SUSD1: variants seen among roughly 807,000 people sequenced by gnomAD.
The protein encoded by SUSD1 is sushi domain containing 1.
In SUSD1, 65 loss-of-function variants were observed where a neutral mutation model predicts 86.9. The observed-to-expected ratio is 0.75, with a 90% CI of 0.61 to 0.92. The LOEUF (loss-of-function observed/expected upper bound fraction) is 0.92, where lower values mean the gene tolerates loss of function less well. Among genes scored for constraint, SUSD1 ranks in the 40% least tolerant of loss-of-function variants. The pLI, the probability that SUSD1 is intolerant of heterozygous loss-of-function variation, is 0.00. For synonymous variants in SUSD1, 346 were observed against 350.0 expected (o/e 0.99, Z 0.13); for missense variants, 850 against 929.7 (o/e 0.91, Z 1.11).
intron 3 of SUSD1, among the ~76,000 whole-genome samples, chr9:112,148,006 T>A (rs894434419): frequency 6.6e-6 from 1 of 152,246 alleles, no homozygotes; most frequent in Non-Finnish European, 1.5e-5. Flanking sequence ...AAATCAAATG[T>A]ATCCTTTGAG....
chr9:112,102,234 T>A lies in SUSD1; in HGVS notation c.1223A>T (p.Glu408Val). ...ACGCCTGTTCAATTTCAAACAAGTT[T>A]CATTAAATATTGAAATATTGAAACT... ...DGSFNISIFNETCLKLNRRSR... is the reference protein window; with the variant it reads ...DGSFNISIFNVTCLKLNRRSR... The change falls in exon 9 of 17, where the codon GAA becomes GTA. Residue 408 changes from glutamate (E) to valine (V), a missense_variant. Glu to Val is a moderately radical substitution (Grantham distance 121, BLOSUM62 -2). Coordinates refer to ENST00000374270, the MANE Select transcript of SUSD1 (RefSeq NM_022486.5). 5 of 1,604,254 alleles carry A rather than the reference T, an allele frequency of 3.1e-6. No individual in the cohort carries two copies. The highest frequency in any genetic ancestry group is 4.3e-6 in the Non-Finnish European group (5 of 1,175,534).
intron 8 of SUSD1, among the ~76,000 whole-genome samples, 165 bp from the exon 9 acceptor site, chr9:112,102,450 C>T (rs1830670262): frequency 6.6e-6 from 1 of 152,166 alleles, no homozygotes; most frequent in Middle Eastern, 3.2e-3. Context: ...TCCTGGCTCT[C>T]CAGCTTCTCA....
intron 15 of SUSD1, among the ~76,000 whole-genome samples, chr9:112,051,607 T>C (rs983504939): frequency 6.6e-6 from 1 of 151,776 alleles, no homozygotes; most frequent in Non-Finnish European, 1.5e-5. Context: ...AATTTTGTAT[T>C]TTTAGTAGAG....
intron 6 of SUSD1, among the ~76,000 whole-genome samples, chr9:112,115,808 C>CAAAAA (rs1406590665): frequency 1.7e-5 from 1 of 59,600 alleles, no homozygotes; most frequent in Non-Finnish European, 3.3e-5. Flanking sequence ...GACTCCATTG[C>CAAAAA]AAAAAAAAAA....
chr9:112,128,810 T>C (rs76190986), intron 5 of SUSD1, among the ~76,000 whole-genome samples: 6,256 of 152,120 alleles, frequency 0.041, 465 homozygotes, highest in African/African-American at 0.14. Flanking sequence ...ATAAGAAAGC[T>C]CTTGGTGGGT....
intron 1 of SUSD1, among the ~76,000 whole-genome samples, chr9:112,159,422 C>A (rs909064429): frequency 6.6e-6 from 1 of 152,132 alleles, no homozygotes; most frequent in Non-Finnish European, 1.5e-5. Flanking sequence ...TAAAAGACAA[C>A]ACAAAAATAA....
intron 5 of SUSD1, among the ~76,000 whole-genome samples, chr9:112,128,389 C>T (rs895081577): frequency 4.0e-5 from 6 of 151,816 alleles, no homozygotes; most frequent in South Asian, 2.1e-4. Context: ...CCACCATGCC[C>T]GGCCTACAAT....
chr9:112,138,220 T>A (rs112182189), intron 5 of SUSD1, among the ~76,000 whole-genome samples: 1 of 103,778 alleles, frequency 9.6e-6, no homozygotes, highest in Non-Finnish European at 1.9e-5. Flanking sequence ...TGAGACTCCA[T>A]CTCAAAAAAA....
intron 9 of SUSD1, among the ~76,000 whole-genome samples, chr9:112,099,825 G>T (rs532331982): frequency 1.2e-4 from 19 of 152,282 alleles, no homozygotes; most frequent in African/African-American, 4.6e-4. Flanking sequence ...CTGACAGGTG[G>T]TTCATAAGGA....
At position 112,090,874 on chromosome 9, in the gene SUSD1, CTG is replaced by C. The variant is rs529169065; in HGVS notation, c.1474+7594_1474+7595del. On this transcript the variant is annotated intron_variant, in intron 10 of 16. Coordinates refer to ENST00000374270, the MANE Select transcript of SUSD1 (RefSeq NM_022486.5). ...GCCTAGGAGAGAACAGTTTTGGAGTCTGTGTCTATACGCATGATTAGAAAATG... is the reference window on the plus strand; with the variant it reads ...GCCTAGGAGAGAACAGTTTTGGAGTCTGTCTATACGCATGATTAGAAAATG... Among the ~76,000 whole-genome samples, 45 of 152,268 alleles carry C rather than the reference CTG, an allele frequency of 3.0e-4. 1 individual carries two copies. The South Asian group carries it at 8.1e-3, about 27-fold the overall frequency.
At chr9:112,119,638 G>A (rs1336018144) in intron 6 of SUSD1, among the ~76,000 whole-genome samples, 1 of 152,196 alleles carries the variant, frequency 6.6e-6, no homozygotes, top group East Asian at 1.9e-4. Context: ...TGGAAGCCAG[G>A]GAAAGTCTTA....
At chr9:112,101,903 C>T (rs2131618033) in intron 9 of SUSD1, among the ~76,000 whole-genome samples, 1 of 152,178 alleles carries the variant, frequency 6.6e-6, no homozygotes, top group South Asian at 2.1e-4. Context: ...AATCTGATAG[C>T]AAAATAAGCT....
At chr9:112,050,152 G>A (rs1828127289) in intron 15 of SUSD1, among the ~76,000 whole-genome samples, 1 of 152,108 alleles carries the variant, frequency 6.6e-6, no homozygotes, top group African/African-American at 2.4e-5. Context: ...AGAGCTTCAG[G>A]GGATGGACTG....
chr9:112,159,919 A>G (rs748785093), intron 1 of SUSD1, among the ~76,000 whole-genome samples: 16 of 152,078 alleles, frequency 1.1e-4, no homozygotes, highest in Non-Finnish European at 2.1e-4. Flanking sequence ...GTTATCTCTT[A>G]TTTTAAAAAA....
intron 5 of SUSD1, among the ~76,000 whole-genome samples, chr9:112,136,297 G>A (rs888537464): frequency 2.0e-5 from 3 of 152,154 alleles, no homozygotes; most frequent in Non-Finnish European, 4.4e-5. Context: ...GCAGTGGCAT[G>A]ATCACAGCTC....
intron 10 of SUSD1, among the ~76,000 whole-genome samples, chr9:112,093,754 C>G (rs1460192547): frequency 6.6e-6 from 1 of 152,110 alleles, no homozygotes; most frequent in Non-Finnish European, 1.5e-5. Flanking sequence ...AAGATAAGAG[C>G]TGCCACAGCG....
At chr9:112,071,320 TGTG>T (rs895166023) in intron 12 of SUSD1, among the ~76,000 whole-genome samples, 6 of 151,844 alleles carry the variant, frequency 4.0e-5, no homozygotes, top group African/African-American at 1.5e-4. Flanking sequence ...ATTAGCAGGG[TGTG>T]GTGACATGCA....
chr9:112,162,715 T>C (rs1166255020), intron 1 of SUSD1, among the ~76,000 whole-genome samples: 1 of 152,214 alleles, frequency 6.6e-6, no homozygotes, highest in East Asian at 1.9e-4. Flanking sequence ...AGTATACAGC[T>C]GTAACTTCTG....
At position 112,112,770 on chromosome 9, in the gene SUSD1, C is replaced by T. The variant is rs201705184; in HGVS notation, c.984+1G>A. The stretch of plus-strand genomic sequence containing the variant: ...AGGAAAAAGTAGATCACTTTACTTA[C>T]CACATATGAGATCTTGGGGTTTATT... On this transcript the variant is annotated splice_donor_variant, in intron 7 of 16. Coordinates refer to ENST00000374270, the MANE Select transcript of SUSD1 (RefSeq NM_022486.5). LOFTEE classifies it high-confidence loss of function. The T allele has an allele frequency of 6.2e-7, 1 of 1,606,082 alleles. No homozygotes were observed. The highest frequency in any genetic ancestry group is 1.7e-5 in the Admixed American group (1 of 60,002).
Sources: allele counts gnomAD v4.1 joint callset (sites outside exome capture counted in the v4.1 genomes callset), GRCh38; gene constraint gnomAD v4.1.1; transcripts MANE v1.5; gene names NCBI Gene and HGNC (gene_info 2026-07-23, HGNC 2026-07-21).